The following NIPAL1 variants were observed in gnomAD, a reference collection of about 807,000 sequenced individuals.
The protein encoded by NIPAL1 is NIPA like domain containing 1.
NIPAL1 carries 35 observed loss-of-function variants against 37.7 expected under a neutral mutation model. The observed-to-expected ratio is 0.93, with a 90% CI of 0.71 to 1.23. NIPAL1 has a LOEUF of 1.23. Among genes scored for constraint, NIPAL1 ranks in the 50% most tolerant of loss-of-function variants. The pLI is 0.00. For synonymous variants in NIPAL1, 162 were observed against 183.0 expected (o/e 0.89, Z 0.93); for missense variants, 412 against 473.9 (o/e 0.87, Z 1.21).
At chr4:48,018,937 C>T (rs1008834924) in intron 1 of NIPAL1, among the ~76,000 whole-genome samples, 1 of 152,306 alleles carries the variant, frequency 6.6e-6, no homozygotes, top group Admixed American at 6.5e-5. Flanking sequence ...ACCCAAATGA[C>T]AAGGGGTCAG....
At chr4:48,021,734 CT>C (rs1715571040) in intron 1 of NIPAL1, among the ~76,000 whole-genome samples, 1 of 152,068 alleles carries the variant, frequency 6.6e-6, no homozygotes, top group Non-Finnish European at 1.5e-5. Flanking sequence ...TATCATTACA[CT>C]TTCATAGGTG....
chr4:48,023,980 T>C (rs1009550709), intron 1 of NIPAL1, among the ~76,000 whole-genome samples: 26 of 149,250 alleles, frequency 1.7e-4, no homozygotes, highest in African/African-American at 5.9e-4. Context: ...TTCTTCTTTT[T>C]TTTTTTTTTT....
Position 48,036,719 on chromosome 4 carries a change from G to T in NIPAL1, c.*547G>T. On this transcript the variant is annotated 3_prime_UTR_variant, in exon 6 of 6. Coordinates refer to ENST00000295461, the MANE Select transcript of NIPAL1 (RefSeq NM_207330.3). ...AAGGCGGACAGATCACTTGAGCTCA[G>T]GAGTTCGAGACCACCTTGGGCCACA... 6.5e-6 allele frequency: 1 copy of T among 153,352 alleles called. No individual in the cohort carries two copies. Among genetic ancestry groups the T allele is most frequent in the Admixed American group, 6.5e-5 (1 of 15,318 alleles). 9.5% of individuals were successfully genotyped at this position (153,352 alleles called of 1,614,324 possible). A position where few individuals can be genotyped will look rare whatever the true frequency, so the allele number is the denominator to read the frequency against.
chr4:48,038,889 G>A lies in NIPAL1; in HGVS notation c.*2717G>A, dbSNP rs1716015342. 1 of 152,140 alleles carries A rather than the reference G, an allele frequency of 6.6e-6. No individual in the cohort carries two copies. The highest frequency in any genetic ancestry group is 1.5e-5 in the Non-Finnish European group (1 of 68,034). The allele number at this position is 152,140 out of a possible 1,614,324, so 9.4% of individuals were successfully genotyped here. A position where few individuals can be genotyped will look rare whatever the true frequency, so the allele number is the denominator to read the frequency against. On this transcript the variant is annotated 3_prime_UTR_variant, in exon 6 of 6. Coordinates refer to ENST00000295461, the MANE Select transcript of NIPAL1 (RefSeq NM_207330.3). Reference sequence around the variant, plus strand: ...AAGGCTCATTGTGTACCCTGGACAGGAAATTGAACTGATGTTGACATGTAT... The same window carrying A: ...AAGGCTCATTGTGTACCCTGGACAGAAAATTGAACTGATGTTGACATGTAT...
intron 5 of NIPAL1, 87 bp downstream of exon 5, chr4:48,035,128 C>G (rs1715898371): frequency 2.7e-6 from 3 of 1,128,730 alleles, no homozygotes; most frequent in African/African-American, 1.6e-5. Flanking sequence ...TTGTAATAAG[C>G]TTTCTACATT....
At chr4:48,034,003 A>G (rs763657964) in intron 4 of NIPAL1, among the ~76,000 whole-genome samples, 10 of 152,242 alleles carry the variant, frequency 6.6e-5, no homozygotes, top group Non-Finnish European at 1.5e-4. Context: ...ACATGAGGGC[A>G]ACTCTAGGAA....
Position 48,034,944 on chromosome 4 carries a change from A to G in NIPAL1, c.525A>G (p.Ile175Met), listed in dbSNP as rs1428205632. The G allele has an allele frequency of 6.2e-7, 1 of 1,612,248 alleles. No individual in the cohort carries two copies. The highest frequency in any genetic ancestry group is 2.2e-5 in the East Asian group (1 of 44,870). Residue 175 changes from isoleucine to methionine, a missense_variant, in exon 5 of 6, where the codon ATA (isoleucine) becomes ATG (methionine). Physicochemically the swap from Ile to Met is conservative, Grantham distance 10. Transcript: ENST00000295461. ...HLNIHGKIGCILSILGSTVMV... is the reference protein window; with the variant it reads ...HLNIHGKIGCMLSILGSTVMV... ...ACATTCATGGGAAAATAGGCTGCAT[A>G]TTAAGTATATTGGGGTCAACTGTGA...
At chr4:48,035,240 C>T (rs1479231357) in intron 5 of NIPAL1, among the ~76,000 whole-genome samples, 199 bp downstream of exon 5, 3 of 152,142 alleles carry the variant, frequency 2.0e-5, no homozygotes, top group African/African-American at 7.2e-5. Flanking sequence ...CCCTGTTACA[C>T]AATGAAAGGG....
At position 48,036,199 on chromosome 4, in the gene NIPAL1, C is replaced by CA; in HGVS notation, c.*29dup. On this transcript the variant is annotated 3_prime_UTR_variant, in exon 6 of 6. Coordinates refer to ENST00000295461, the MANE Select transcript of NIPAL1 (RefSeq NM_207330.3). ...GTCTCTAGAAACACTGAGTTTTAAC[C>CA]AATATGAGACACACGAAGAGGAAAA... The CA allele has an allele frequency of 3.2e-6, 5 of 1,552,910 alleles. No individual in the cohort carries two copies. The highest frequency in any genetic ancestry group is 4.3e-6 in the Non-Finnish European group (5 of 1,158,396).
At chr4:48,019,407 T>A (rs939667407) in intron 1 of NIPAL1, among the ~76,000 whole-genome samples, 3 of 152,236 alleles carry the variant, frequency 2.0e-5, no homozygotes, top group African/African-American at 7.2e-5. Context: ...GTATGAAGGT[T>A]GTTATAAAGC....
Position 48,035,769 on chromosome 4 carries a change from T to C in NIPAL1, c.830T>C (p.Phe277Ser). The C allele has an allele frequency of 6.2e-7, 1 of 1,614,216 alleles. No individual in the cohort carries two copies. Among genetic ancestry groups the C allele is most frequent in the Non-Finnish European group, 8.5e-7 (1 of 1,180,026 alleles). Residue 277 changes from phenylalanine to serine, a missense_variant, in exon 6 of 6, where the codon TTT becomes TCT. Phe to Ser is a radical substitution (Grantham distance 155). Transcript: ENST00000295461. ...WKPVYKHPLV[F>S]VLLAVLVLSV... is the part of the protein sequence containing the mutation. Reference sequence around the variant, plus strand: ...CCAGTTTACAAACATCCGCTGGTCTTTGTTTTGCTGGCTGTACTTGTGCTT... The same window carrying C: ...CCAGTTTACAAACATCCGCTGGTCTCTGTTTTGCTGGCTGTACTTGTGCTT...
At position 48,019,459 on chromosome 4, in the gene NIPAL1, T is replaced by C. The variant is rs182561054; in HGVS notation, c.46+2574T>C. The stretch of plus-strand genomic sequence containing the variant: ...GAGGAAGTCTATTTGATTGGGAACA[T>C]ATGATGGAAAGTGACTGAGAGGTTC... On this transcript the variant is annotated intron_variant, in intron 1 of 5. Transcript: ENST00000295461. Among the ~76,000 whole-genome samples, 4 of 152,286 alleles carry C rather than the reference T, an allele frequency of 2.6e-5. No homozygotes were observed. The East Asian group carries it at 7.7e-4, about 29-fold the overall frequency.
chr4:48,028,906 T>C (rs1234550602), intron 2 of NIPAL1, among the ~76,000 whole-genome samples: 1 of 151,908 alleles, frequency 6.6e-6, no homozygotes, highest in Admixed American at 6.6e-5. Flanking sequence ...TATTAACAAG[T>C]CAAAAAACAA....
Position 48,038,907 on chromosome 4 carries a change from A to G in NIPAL1, c.*2735A>G, listed in dbSNP as rs1468397387. 6.6e-6 allele frequency: 1 copy of G among 152,212 alleles called. No homozygotes were observed. Among genetic ancestry groups the G allele is most frequent in the African/African-American group, 2.4e-5 (1 of 41,450 alleles). The allele number at this position is 152,212 out of a possible 1,614,324, so 9.4% of individuals were successfully genotyped here. The stretch of plus-strand genomic sequence containing the variant: ...TGGACAGGAAATTGAACTGATGTTG[A>G]CATGTATGCATGCCCAGGAGGAAGA... On this transcript the variant is annotated 3_prime_UTR_variant, in exon 6 of 6. Transcript: ENST00000295461.
intron 1 of NIPAL1, among the ~76,000 whole-genome samples, chr4:48,019,022 C>CT (rs1024736034): frequency 1.1e-4 from 16 of 151,964 alleles, no homozygotes; most frequent in East Asian, 1.9e-4. Context: ...TTGGTTTTGA[C>CT]TTTTTTTTGT....
Position 48,033,044 on chromosome 4 carries a change from C to G in NIPAL1, c.422C>G (p.Thr141Ser). ...NFAAYAFAPA[T>S]LVTPLGALSV... ...GCTGCTTATGCTTTTGCACCTGCCA[C>G]CTTGGTCACCCCTCTGGGTGCTTTG... The change falls in exon 4 of 6, where the codon ACC becomes AGC. Residue 141 changes from threonine to serine, a missense_variant. By Grantham distance (58) the Thr-to-Ser change is moderately conservative (BLOSUM62 1). Transcript: ENST00000295461. 6.2e-7 allele frequency: 1 copy of G among 1,613,964 alleles called. No individual in the cohort carries two copies. Among genetic ancestry groups the G allele is most frequent in the Non-Finnish European group, 8.5e-7 (1 of 1,179,896 alleles).
intron 4 of NIPAL1, among the ~76,000 whole-genome samples, chr4:48,034,105 T>G (rs1247723311): frequency 2.0e-5 from 3 of 152,178 alleles, no homozygotes; most frequent in Non-Finnish European, 4.4e-5. Context: ...GAGGCTGGCT[T>G]GCAGAAACCA....
chr4:48,034,400 CTAGGGAAG>C (rs1356849436), intron 4 of NIPAL1, among the ~76,000 whole-genome samples: 2 of 152,046 alleles, frequency 1.3e-5, no homozygotes, highest in Non-Finnish European at 2.9e-5. Flanking sequence ...CCAGTGTGGC[CTAGGGAAG>C]CCAAAAGATT....
Position 48,027,416 on chromosome 4 carries a change from A to G in NIPAL1, c.313+2082A>G, listed in dbSNP as rs995908354. Among the ~76,000 whole-genome samples, 1 of 152,230 alleles carries G rather than the reference A, an allele frequency of 6.6e-6. No homozygotes were observed. The highest frequency in any genetic ancestry group is 6.5e-5 in the Admixed American group (1 of 15,280). ...GTGGTAACATAATTCCAACTTAGTT[A>G]TTTGTAAATGTAATGACCAATAAAC... On this transcript the variant is annotated intron_variant, in intron 2 of 5. Transcript: ENST00000295461. This position sits in a 1 kb window ranked among gnomAD's most constrained non-coding sequence, Gnocchi z 4.1.
Sources: allele counts gnomAD v4.1 joint callset (sites outside exome capture counted in the v4.1 genomes callset), GRCh38; gene constraint gnomAD v4.1.1; non-coding constraint Gnocchi (gnomAD v3.1); transcripts MANE v1.5; gene names NCBI Gene and HGNC (gene_info 2026-07-23, HGNC 2026-07-21).